METTL2B: variants seen among roughly 807,000 people sequenced by gnomAD.
METTL2B encodes the protein tRNA N(3)-cytidine methyltransferase METTL2B.
A neutral mutation model predicts 51.0 loss-of-function variants in METTL2B; 28 were observed. That is an observed-to-expected ratio of 0.55 (90% CI 0.41 to 0.75). The LOEUF (loss-of-function observed/expected upper bound fraction) is 0.75. Ranked by LOEUF, METTL2B falls within the 30% of genes least tolerant of loss-of-function variation. METTL2B has a pLI of 0.00. For synonymous variants in METTL2B, 128 were observed against 166.3 expected (o/e 0.77, Z 1.77); for missense variants, 313 against 460.7 (o/e 0.68, Z 2.93).
chr7:128,501,127 C>T (rs969480900), intron 8 of METTL2B, 159 bp downstream of exon 8: 2 of 985,480 alleles, frequency 2.0e-6, no homozygotes, highest in Non-Finnish European at 2.4e-6. Flanking sequence ...GGCTAGGCTA[C>T]CCATGGCAGC....
In METTL2B at chr7:128,505,567, C is replaced by T. The variant is rs2116875035; in HGVS notation, c.*3651C>T. ...GATGTCACTTAGTTGTGTTGTCTGC[C>T]AGGTTCTGCCACTGTAAAGTTAATA... On this transcript the variant is annotated 3_prime_UTR_variant, in exon 9 of 9. Transcript: ENST00000262432. 1 of 152,286 alleles carries T rather than the reference C, an allele frequency of 6.6e-6. No homozygotes were observed. Among genetic ancestry groups the T allele is most frequent in the South Asian group, 2.1e-4 (1 of 4,826 alleles). The allele number at this position is 152,286 out of a possible 1,614,324, so 9.4% of individuals were successfully genotyped here.
intron 5 of METTL2B, chr7:128,488,697 C>T: frequency 6.1e-6 from 2 of 326,972 alleles, no homozygotes; most frequent in East Asian, 7.5e-5. Context: ...ACAGTGTCCT[C>T]TGTGTGCTCA....
rs1310043389 is a variant in METTL2B, at chr7:128,476,779, A to G, written c.14A>G (p.Tyr5Cys). MAGS[Y>C]PEGAPAILAD... ...GGCTCCGGTGTCATGGCCGGCTCCTACCCTGAAGGTGCACCTGCAATCCTC... is the reference window on the plus strand; with the variant it reads ...GGCTCCGGTGTCATGGCCGGCTCCTGCCCTGAAGGTGCACCTGCAATCCTC... The change falls in exon 1 of 9, where the codon TAC becomes TGC. Residue 5 changes from tyrosine (Y) to cysteine (C), a missense_variant. Transcript: ENST00000262432. The G allele has an allele frequency of 1.9e-6, 3 of 1,614,016 alleles. No homozygotes were observed. Among genetic ancestry groups the G allele is most frequent in the Non-Finnish European group, 2.5e-6 (3 of 1,179,980 alleles).
intron 5 of METTL2B, among the ~76,000 whole-genome samples, chr7:128,489,841 G>A (rs1225830253): frequency 6.6e-6 from 1 of 151,544 alleles, no homozygotes; most frequent in Non-Finnish European, 1.5e-5. Context: ...TTTTAGCTGG[G>A]ATGGTCTCGA....
intron 5 of METTL2B, among the ~76,000 whole-genome samples, chr7:128,489,871 G>A (rs1372432607): frequency 4.6e-5 from 7 of 151,770 alleles, no homozygotes; most frequent in Non-Finnish European, 7.4e-5. Context: ...CTCGTGATCC[G>A]CCCGCCTCGG....
At chr7:128,477,398 G>A (rs1429913637) in intron 2 of METTL2B, among the ~76,000 whole-genome samples, 5 of 152,164 alleles carry the variant, frequency 3.3e-5, no homozygotes, top group Non-Finnish European at 7.3e-5. Context: ...GTTTTACTTT[G>A]GAGGAGGGTA....
intron 5 of METTL2B, among the ~76,000 whole-genome samples, chr7:128,492,986 C>T (rs938253628): frequency 3.3e-5 from 5 of 151,428 alleles, no homozygotes; most frequent in African/African-American, 1.2e-4. Flanking sequence ...TTTTCATGAT[C>T]GTTTTCCAAT....
chr7:128,502,997 G>A lies in METTL2B; in HGVS notation c.*1081G>A, dbSNP rs528776065. On this transcript the variant is annotated 3_prime_UTR_variant, in exon 9 of 9. Coordinates refer to ENST00000262432, the MANE Select transcript of METTL2B (RefSeq NM_018396.3). ...GAATTAAAAGAATTTGGCTGGGTGC[G>A]GTAGCTCATGCCTGTAATCCCAACA... The A allele has an allele frequency of 7.8e-4, 130 of 166,410 alleles. No individual in the cohort carries two copies. The highest frequency in any genetic ancestry group is 2.8e-3 in the African/African-American group (118 of 41,580). The allele number at this position is 166,410 out of a possible 1,614,324, so 10.3% of individuals were successfully genotyped here.
chr7:128,488,239 T>G, intron 5 of METTL2B, 78 bp downstream of exon 5: 1 of 1,471,694 alleles, frequency 6.8e-7, no homozygotes, highest in South Asian at 1.2e-5. Flanking sequence ...TCAAGGTCTC[T>G]GGCTGTGTTC....
intron 4 of METTL2B, among the ~76,000 whole-genome samples, chr7:128,485,613 C>T (rs368912989): frequency 5.9e-4 from 88 of 148,156 alleles, no homozygotes; most frequent in South Asian, 2.1e-3. Flanking sequence ...TTGCAGTGAG[C>T]GGAGATCGCA....
At chr7:128,485,387 G>A (rs571602920) in intron 4 of METTL2B, among the ~76,000 whole-genome samples, 1 of 152,246 alleles carries the variant, frequency 6.6e-6, no homozygotes, top group South Asian at 2.1e-4. Flanking sequence ...TTAGCCGCCT[G>A]GTGCTGCGGC....
At position 128,493,806 on chromosome 7, in the gene METTL2B, A is replaced by G. The variant is rs1384079361; in HGVS notation, c.672A>G (p.Thr224=). ...FSSTAIELVQ[T]NSEYDPSRCF... ...TTGTCTCTTCCACCTGTCTGCAGAC[A>G]AATTCAGAATATGATCCTTCTCGGT... The change falls in exon 6 of 9, where the codon ACA becomes ACG. Residue 224 remains threonine, a splice_region_variant and synonymous_variant. Transcript: ENST00000262432. 6.2e-7 allele frequency: 1 copy of G among 1,603,924 alleles called. No homozygotes were observed. The highest frequency in any genetic ancestry group is 8.5e-7 in the Non-Finnish European group (1 of 1,177,320).
intron 5 of METTL2B, among the ~76,000 whole-genome samples, chr7:128,492,310 C>G (rs1792848218): frequency 6.6e-6 from 1 of 151,986 alleles, no homozygotes; most frequent in South Asian, 2.1e-4. Flanking sequence ...GCGGGTGCCA[C>G]TGCACCCAGC....
chr7:128,482,217 A>G (rs190931364), intron 4 of METTL2B, among the ~76,000 whole-genome samples: 16 of 152,184 alleles, frequency 1.1e-4, no homozygotes, highest in Non-Finnish European at 1.8e-4. Flanking sequence ...ACAGTGGCAC[A>G]ATCTCGACTC....
chr7:128,498,166 A>C, intron 7 of METTL2B, 24 bp downstream of exon 7: 1 of 1,610,310 alleles, frequency 6.2e-7, no homozygotes, highest in Non-Finnish European at 8.5e-7. Flanking sequence ...GCTGAATCCT[A>C]ACCACTAGAG....
At chr7:128,500,776 C>T (rs1345089477) in intron 7 of METTL2B, 127 bp from the exon 8 acceptor site, 2 of 1,016,940 alleles carry the variant, frequency 2.0e-6, no homozygotes, top group Non-Finnish European at 3.0e-6. Context: ...TTGAGCTGCT[C>T]TTCCCGAAGC....
rs1294400522 is a variant in METTL2B at position 128,503,755 on chromosome 7, T to C, written c.*1839T>C. On this transcript the variant is annotated 3_prime_UTR_variant, in exon 9 of 9. Transcript: ENST00000262432. Reference sequence around the variant, plus strand: ...GCTCACGCCTATAATCCCAGCACTTTGGGAGGCTGAGGTGGGCAGATCACT... The same window carrying C: ...GCTCACGCCTATAATCCCAGCACTTCGGGAGGCTGAGGTGGGCAGATCACT... 6.6e-6 allele frequency: 1 copy of C among 152,256 alleles called. No homozygotes were observed. The highest frequency in any genetic ancestry group is 1.9e-4 in the East Asian group (1 of 5,202). 9.4% of individuals were successfully genotyped at this position (152,256 alleles called of 1,614,324 possible). A position where few individuals can be genotyped will look rare whatever the true frequency, so the allele number is the denominator to read the frequency against.
At chr7:128,477,234 C>T (rs1311226011) in intron 2 of METTL2B, 61 bp downstream of exon 2, 2 of 1,605,318 alleles carry the variant, frequency 1.2e-6, no homozygotes, top group Admixed American at 3.5e-5. Context: ...CGCGCCCTCC[C>T]GGAGAGGCCA....
chr7:128,480,596 G>A (rs552674883), intron 3 of METTL2B, 51 bp from the exon 4 acceptor site: 11 of 1,611,462 alleles, frequency 6.8e-6, no homozygotes, highest in Admixed American at 5.1e-5. Flanking sequence ...TCTAGCTTTC[G>A]GGAATTAACT....
Sources: allele counts gnomAD v4.1 joint callset (sites outside exome capture counted in the v4.1 genomes callset), GRCh38; gene constraint gnomAD v4.1.1; transcripts MANE v1.5; gene names NCBI Gene and HGNC (gene_info 2026-07-23, HGNC 2026-07-21).